Variants in DDX28 observed in about 807,000 individuals in gnomAD.
DDX28 encodes DEAD-box helicase 28.
DDX28 carries 25 observed loss-of-function variants against 26.8 expected under a neutral mutation model. That is an observed-to-expected ratio of 0.93 (90% confidence interval 0.68 to 1.30). DDX28 has a LOEUF of 1.30. Ranked by LOEUF, DDX28 falls within the 50% of genes most tolerant of loss-of-function variation. DDX28 has a pLI of 0.00. For missense variants in DDX28, 790 were observed against 695.1 expected (o/e 1.14, Z -1.53); for synonymous variants, 370 against 311.9 (o/e 1.19, Z -1.96).
chr16:68,021,930 G>A lies in DDX28; in HGVS notation c.1273C>T (p.Leu425=). The A allele has an allele frequency of 6.2e-7, 1 of 1,614,178 alleles. No individual in the cohort carries two copies. Among genetic ancestry groups the A allele is most frequent in the Non-Finnish European group, 8.5e-7 (1 of 1,180,022 alleles). ...GCTGGCATTTGCCCCTGCAACCTTAGGTGTTGGATTTTGTGGTCATCCAGA... is the reference window on the plus strand; with the variant it reads ...GCTGGCATTTGCCCCTGCAACCTTAAGTGTTGGATTTTGTGGTCATCCAGA... ...YILDDHKIQH[L]RLQGQMPALM... Residue 425 remains leucine (L), a synonymous_variant, in exon 1 of 1, where the codon CTA becomes TTA. Coordinates refer to ENST00000332395, the MANE Select transcript of DDX28 (RefSeq NM_018380.4).
rs1313351163 is a variant in DDX28, at chr16:68,023,016, G to C, written c.187C>G (p.Arg63Gly). 6.3e-7 allele frequency: 1 copy of C among 1,579,812 alleles called. No individual in the cohort carries two copies. Among genetic ancestry groups the C allele is most frequent in the African/African-American group, 1.3e-5 (1 of 74,354 alleles). Reference protein sequence around the residue: ...RRNLPRPVLVRPGPLLVSARR... With the variant: ...RRNLPRPVLVGPGPLLVSARR... ...GCCGAAACCAGCAGCGGTCCGGGTC[G>C]AACCAGCACCGGCCTCGGGAGGTTC... The change falls in exon 1 of 1, where the codon CGA becomes GGA. Residue 63 changes from arginine to glycine, a missense_variant. Arg to Gly is a moderately radical substitution (Grantham distance 125). Transcript: ENST00000332395.
Position 68,022,369 on chromosome 16 carries a change from C to A in DDX28, c.834G>T (p.Glu278Asp). The A allele has an allele frequency of 1.9e-6, 3 of 1,614,218 alleles. No homozygotes were observed. The highest frequency in any genetic ancestry group is 2.5e-6 in the Non-Finnish European group (3 of 1,180,046). The change falls in exon 1 of 1, where the codon GAG (glutamate) becomes GAT (aspartate). Residue 278 changes from glutamate (E) to aspartate (D), a missense_variant. Transcript: ENST00000332395. Reference protein sequence around the residue: ...KALKSRLISLEQLSFLVLDEA... With the variant: ...KALKSRLISLDQLSFLVLDEA... ...CATCCAACACCAAGAAGGAGAGTTG[C>A]TCCAGACTGATCAGTCGACTTTTCA...
In DDX28 at chr16:68,021,440, C is replaced by T; in HGVS notation, c.*140G>A. On this transcript the variant is annotated 3_prime_UTR_variant, in exon 1 of 1. Coordinates refer to ENST00000332395, the MANE Select transcript of DDX28 (RefSeq NM_018380.4). ...AATGCTGGCCAGCAGCGTACCTTTC[C>T]AAGTCACAAAGCAGTTCATCCCGCC... 1.2e-6 allele frequency: 1 copy of T among 858,766 alleles called. No homozygotes were observed. Among genetic ancestry groups the T allele is most frequent in the South Asian group, 1.8e-5 (1 of 55,690 alleles). 53.2% of individuals were successfully genotyped at this position (858,766 alleles called of 1,614,324 possible). A position where few individuals can be genotyped will look rare whatever the true frequency, so the allele number is the denominator to read the frequency against.
rs763961104 is a variant in DDX28, at chr16:68,022,605, G to T, written c.598C>A (p.Pro200Thr). 1 of 1,613,784 alleles carries T rather than the reference G, an allele frequency of 6.2e-7. No homozygotes were observed. Among genetic ancestry groups the T allele is most frequent in the Non-Finnish European group, 8.5e-7 (1 of 1,179,998 alleles). The change falls in exon 1 of 1, where the codon CCT (proline) becomes ACT (threonine). Residue 200 changes from proline to threonine, a missense_variant. Physicochemically the swap from Pro to Thr is conservative, Grantham distance 38. Transcript: ENST00000332395. ...ACCAGGCCTCGGGGCGCGGGGATAG[G>T]AAGGGAGTCCAGGCTTGGCTGGCCC... ...LLGQPSLDSL[P>T]IPAPRGLVLV... is the part of the protein sequence containing the mutation.
In DDX28 at chr16:68,022,560, A is replaced by G; in HGVS notation, c.643T>C (p.Leu215=). 6 of 1,614,000 alleles carry G rather than the reference A, an allele frequency of 3.7e-6. No individual in the cohort carries two copies. Among genetic ancestry groups the G allele is most frequent in the Non-Finnish European group, 4.2e-6 (5 of 1,180,018 alleles). ...GCCACAGCCCGCACCTGTTGGGCCA[A>G]TTCTCGGGAAGGAACAAGGACCAGG... ...RGLVLVPSRE[L]AQQVRAVAQP... is the part of the protein sequence containing the mutation. The change falls in exon 1 of 1, where the codon TTG becomes CTG. Residue 215 remains leucine, a synonymous_variant. Coordinates refer to ENST00000332395, the MANE Select transcript of DDX28 (RefSeq NM_018380.4).
Position 68,021,281 on chromosome 16 carries a change from C to A in DDX28, c.*299G>T. On this transcript the variant is annotated 3_prime_UTR_variant, in exon 1 of 1. Coordinates refer to ENST00000332395, the MANE Select transcript of DDX28 (RefSeq NM_018380.4). ...TCCTCAGAAACTACTGAATTCCGCC[C>A]CGGTGCTAATTATTCTTAGGGGAGG... 1 of 374,256 alleles carries A rather than the reference C, an allele frequency of 2.7e-6. No homozygotes were observed. Among genetic ancestry groups the A allele is most frequent in the East Asian group, 5.6e-5 (1 of 17,706 alleles). The allele number at this position is 374,256 out of a possible 1,614,324, so 23.2% of individuals were successfully genotyped here.
Position 68,022,211 on chromosome 16 carries a change from G to A in DDX28, c.992C>T (p.Ala331Val), listed in dbSNP as rs1182372270. Residue 331 changes from alanine (A) to valine (V), a missense_variant, in exon 1 of 1, where the codon GCC (alanine) becomes GTC (valine). Ala to Val is a moderately conservative substitution (Grantham distance 64, BLOSUM62 0). Transcript: ENST00000332395. ...NPKAQLVLVG[A>V]TFPEGVGQLL... is the part of the protein sequence containing the mutation. ...CTGGCCTACACCTTCGGGAAATGTG[G>A]CTCCTACCAGCACTAACTGAGCTTT... 3.7e-6 allele frequency: 6 copies of A among 1,614,082 alleles called. No individual in the cohort carries two copies. The Admixed American group carries it at 8.3e-5, about 22-fold the overall frequency.
In DDX28 at chr16:68,023,022, G is replaced by C. The variant is rs928715177; in HGVS notation, c.181C>G (p.Leu61Val). 2 of 1,584,078 alleles carry C rather than the reference G, an allele frequency of 1.3e-6. No homozygotes were observed. The highest frequency in any genetic ancestry group is 1.7e-6 in the Non-Finnish European group (2 of 1,173,344). Residue 61 changes from leucine to valine, a missense_variant, in exon 1 of 1, where the codon CTG (leucine) becomes GTG (valine). Physicochemically the swap from Leu to Val is conservative, Grantham distance 32. Transcript: ENST00000332395. ...ACCAGCAGCGGTCCGGGTCGAACCA[G>C]CACCGGCCTCGGGAGGTTCCGCCGC... ...SRRRNLPRPV[L>V]VRPGPLLVSA...
chr16:68,023,160 G>C lies in DDX28; in HGVS notation c.43C>G (p.Arg15Gly), dbSNP rs751620852. 1 of 1,608,564 alleles carries C rather than the reference G, an allele frequency of 6.2e-7. No homozygotes were observed. The highest frequency in any genetic ancestry group is 1.7e-5 in the Admixed American group (1 of 59,962). Residue 15 changes from arginine to glycine, a missense_variant, in exon 1 of 1, where the codon CGG becomes GGG. Coordinates refer to ENST00000332395, the MANE Select transcript of DDX28 (RefSeq NM_018380.4). ...RPVRLFSLVT[R>G]LLLAPRRGLT... Reference sequence around the variant, plus strand: ...CCCCGTCGCGGCGCCAGGAGCAACCGAGTCACGAGGGAAAAGAGCCGCACC... The same window carrying C: ...CCCCGTCGCGGCGCCAGGAGCAACCCAGTCACGAGGGAAAAGAGCCGCACC...
Position 68,021,976 on chromosome 16 carries a change from A to G in DDX28, c.1227T>C (p.Thr409=). 1.2e-6 allele frequency: 2 copies of G among 1,614,222 alleles called. No individual in the cohort carries two copies. The highest frequency in any genetic ancestry group is 1.7e-6 in the Non-Finnish European group (2 of 1,180,036). The change falls in exon 1 of 1, where the codon ACT becomes ACC. Residue 409 remains threonine, a synonymous_variant. Coordinates refer to ENST00000332395, the MANE Select transcript of DDX28 (RefSeq NM_018380.4). ...CCAGAATATATCCCAGCCAGTTCAC[A>G]GTGCTGGAGCTATTACAGAACACCA... ...TVLVFCNSSS[T]VNWLGYILDD...
rs1390719392 is a variant in DDX28, at chr16:68,023,086, T to G, written c.117A>C (p.Pro39=). 1.9e-6 allele frequency: 3 copies of G among 1,601,898 alleles called. No homozygotes were observed. The highest frequency in any genetic ancestry group is 1.7e-6 in the Non-Finnish European group (2 of 1,179,770). ...GTTCCAACTGCCGCTGTAGAGCCAC[T>G]GGGATGCGCACCACCGGCAGGGGTT... ...PDEPLPVVRI[P]VALQRQLEQR... Residue 39 remains proline (P), a synonymous_variant, in exon 1 of 1, where the codon CCA becomes CCC. Transcript: ENST00000332395.
rs200648087 is a variant in DDX28 at position 68,022,926 on chromosome 16, C to T, written c.277G>A (p.Ala93Thr). 2,735 of 1,550,580 alleles carry T rather than the reference C, an allele frequency of 1.8e-3. 9 individuals are homozygous for T. Among genetic ancestry groups the T allele is most frequent in the Non-Finnish European group, 2.2e-3 (2,571 of 1,153,112 alleles). ...TLGRWERAPL[A>T]SQGWKSRRAR... Reference sequence around the variant, plus strand: ...CGTCGACTCTTCCAGCCTTGAGAGGCTAGCGGCGCGCGCTCCCAACGGCCC... The same window carrying T: ...CGTCGACTCTTCCAGCCTTGAGAGGTTAGCGGCGCGCGCTCCCAACGGCCC... The change falls in exon 1 of 1, where the codon GCC becomes ACC. Residue 93 changes from alanine to threonine, a missense_variant. Ala to Thr is a moderately conservative substitution (Grantham distance 58). Coordinates refer to ENST00000332395, the MANE Select transcript of DDX28 (RefSeq NM_018380.4).
chr16:68,022,729 G>A lies in DDX28; in HGVS notation c.474C>T (p.Thr158=). ...VVQPTTVQSS[T]IPSLLRGRHV... ...GGCGGCCGCGAAGTAGTGAGGGGAT[G>A]GTGCTAGACTGCACGGTTGTGGGCT... The change falls in exon 1 of 1, where the codon ACC becomes ACT. Residue 158 remains threonine, a synonymous_variant. Coordinates refer to ENST00000332395, the MANE Select transcript of DDX28 (RefSeq NM_018380.4). 2 of 1,613,212 alleles carry A rather than the reference G, an allele frequency of 1.2e-6. No homozygotes were observed. Among genetic ancestry groups the A allele is most frequent in the South Asian group, 2.2e-5 (2 of 91,068 alleles).
rs1459277029 is a variant in DDX28 at position 68,023,152 on chromosome 16, G to T, written c.51C>A (p.Leu17=). Residue 17 remains leucine, a synonymous_variant, in exon 1 of 1, where the codon CTC becomes CTA. Transcript: ENST00000332395. ...CCGTGAGGCCCCGTCGCGGCGCCAG[G>T]AGCAACCGAGTCACGAGGGAAAAGA... is the stretch of plus-strand genomic sequence containing the variant. The part of the protein sequence containing the change: ...VRLFSLVTRL[L]LAPRRGLTVR... 2 of 1,607,768 alleles carry T rather than the reference G, an allele frequency of 1.2e-6. No individual in the cohort carries two copies. Among genetic ancestry groups the T allele is most frequent in the Non-Finnish European group, 1.7e-6 (2 of 1,179,744 alleles).
Position 68,021,497 on chromosome 16 carries a change from C to T in DDX28, c.*83G>A. The T allele has an allele frequency of 6.8e-7, 1 of 1,475,642 alleles. No homozygotes were observed. The highest frequency in any genetic ancestry group is 9.2e-7 in the Non-Finnish European group (1 of 1,086,846). The allele number at this position is 1,475,642 out of a possible 1,614,324, so 91.4% of individuals were successfully genotyped here. A position where few individuals can be genotyped will look rare whatever the true frequency, so the allele number is the denominator to read the frequency against. ...GAGCCGACAGGGCAGCCCAGAGCCTCCCACTGACAAGTGTGGTCACCCACT... is the reference window on the plus strand; with the variant it reads ...GAGCCGACAGGGCAGCCCAGAGCCTTCCACTGACAAGTGTGGTCACCCACT... On this transcript the variant is annotated 3_prime_UTR_variant, in exon 1 of 1. Transcript: ENST00000332395.
chr16:68,022,331 AGT>A lies in DDX28; in HGVS notation c.870_871del (p.Leu291AlafsTer3), dbSNP rs1218188770. ...CAGTTCCAGGAAGCTTTCATCCAGC[AGT>A]GTGTCTGCCTCATCCAACACCAAGA... On this transcript the variant is annotated frameshift_variant, in exon 1 of 1. Transcript: ENST00000332395. LOFTEE classifies it high-confidence loss of function. 1.2e-6 allele frequency: 2 copies of A among 1,614,134 alleles called. No homozygotes were observed. Among genetic ancestry groups the A allele is most frequent in the East Asian group, 2.2e-5 (1 of 44,904 alleles).
Position 68,021,505 on chromosome 16 carries a change from C to A in DDX28, c.*75G>T. 1 of 1,518,108 alleles carries A rather than the reference C, an allele frequency of 6.6e-7. No homozygotes were observed. Among genetic ancestry groups the A allele is most frequent in the East Asian group, 2.3e-5 (1 of 43,914 alleles). The allele number at this position is 1,518,108 out of a possible 1,614,324, so 94.0% of individuals were successfully genotyped here. A position where few individuals can be genotyped will look rare whatever the true frequency, so the allele number is the denominator to read the frequency against. On this transcript the variant is annotated 3_prime_UTR_variant, in exon 1 of 1. Coordinates refer to ENST00000332395, the MANE Select transcript of DDX28 (RefSeq NM_018380.4). ...AGGGCAGCCCAGAGCCTCCCACTGA[C>A]AAGTGTGGTCACCCACTCAAGATAC...
rs1427594087 is a variant in DDX28, at chr16:68,022,962, G to A, written c.241C>T (p.Arg81Cys). ...CGCTCCCAACGGCCCAGTGTGAGGC[G>A]CGCCGGCTGGTTCAACTCCGGCCGC... ...ARRPELNQPA[R>C]LTLGRWERAP... Residue 81 changes from arginine to cysteine, a missense_variant, in exon 1 of 1, where the codon CGC becomes TGC. By Grantham distance (180) the Arg-to-Cys change is radical (BLOSUM62 -3). Transcript: ENST00000332395. The A allele has an allele frequency of 4.5e-6, 7 of 1,548,450 alleles. No homozygotes were observed. In the Middle Eastern group the frequency reaches 5.9e-4, roughly 130 times the overall value.
Position 68,021,673 on chromosome 16 carries a change from G to A in DDX28, c.1530C>T (p.Ser510=), listed in dbSNP as rs545676093. ...ISFVTHPWDV[S]LVQKIELAAR... The stretch of plus-strand genomic sequence containing the variant: ...CCGCCAGCTCAATCTTCTGAACCAG[G>A]CTCACATCCCAGGGATGGGTCACAA... The change falls in exon 1 of 1, where the codon AGC becomes AGT. Residue 510 remains serine, a synonymous_variant. Coordinates refer to ENST00000332395, the MANE Select transcript of DDX28 (RefSeq NM_018380.4). The A allele has an allele frequency of 3.1e-6, 5 of 1,614,182 alleles. No homozygotes were observed. The Admixed American group carries it at 8.3e-5, about 27-fold the overall frequency.
Sources: gnomAD v4.1 joint callset for allele counts on GRCh38, gnomAD v4.1.1 for gene constraint, MANE v1.5 for transcripts, NCBI Gene and HGNC (gene_info 2026-07-23, HGNC 2026-07-21) for gene names.